Variants in KIAA0513 observed in about 807,000 individuals in gnomAD.
The protein encoded by KIAA0513 is KIAA0513.
In KIAA0513, 39 loss-of-function variants were observed where a neutral mutation model predicts 56.5. The ratio of observed to expected loss-of-function variants is 0.69; its 90% CI spans 0.53 to 0.90. KIAA0513 has a LOEUF of 0.90. KIAA0513 is among the 40% of genes least tolerant of loss of function. The pLI, the probability that KIAA0513 is intolerant of heterozygous loss-of-function variation, is 0.00. For synonymous variants in KIAA0513, 268 were observed against 215.6 expected (o/e 1.24, Z -2.13); for missense variants, 591 against 535.2 (o/e 1.10, Z -1.03).
intron 1 of KIAA0513, among the ~76,000 whole-genome samples, chr16:85,028,923 C>T (rs893999933): frequency 6.6e-6 from 1 of 152,150 alleles, no homozygotes; most frequent in Non-Finnish European, 1.5e-5. Flanking sequence ...GTTGATGTTT[C>T]GGATTCATTT....
At chr16:85,052,521 A>G (rs1176916092) in intron 1 of KIAA0513, among the ~76,000 whole-genome samples, 2 of 152,150 alleles carry the variant, frequency 1.3e-5, no homozygotes, top group African/African-American at 2.4e-5. Context: ...TCTCAAATCA[A>G]TCAGTCAATC....
At chr16:85,072,824 A>G in intron 3 of KIAA0513, 101 bp from the exon 4 acceptor site, 1 of 1,167,328 alleles carries the variant, frequency 8.6e-7, no homozygotes, top group Admixed American at 1.7e-5. Flanking sequence ...CCCCCATCCC[A>G]GCTGCATTTG....
At chr16:85,055,097 TA>T (rs562161131) in intron 1 of KIAA0513, among the ~76,000 whole-genome samples, 2 of 152,038 alleles carry the variant, frequency 1.3e-5, no homozygotes, top group South Asian at 4.1e-4. Flanking sequence ...TAATTTAGTT[TA>T]TTTTTTTTAG....
chr16:85,042,213 T>G (rs770602300), intron 1 of KIAA0513, among the ~76,000 whole-genome samples: 1 of 152,224 alleles, frequency 6.6e-6, no homozygotes, highest in Non-Finnish European at 1.5e-5. Context: ...TGCTAAGCCC[T>G]CCTTGTTTGT....
chr16:85,073,787 C>G (rs1017546317), intron 4 of KIAA0513, among the ~76,000 whole-genome samples: 1 of 152,184 alleles, frequency 6.6e-6, no homozygotes, highest in Non-Finnish European at 1.5e-5. Flanking sequence ...AGAAGGCCTC[C>G]AAGCAGTCCC....
At chr16:85,053,549 G>C (rs139772737) in intron 1 of KIAA0513, among the ~76,000 whole-genome samples, 1 of 152,326 alleles carries the variant, frequency 6.6e-6, no homozygotes, top group African/African-American at 2.4e-5. Flanking sequence ...TGACTCTCTG[G>C]ATAAGGCAGC....
intron 1 of KIAA0513, among the ~76,000 whole-genome samples, chr16:85,036,069 C>G (rs911430717): frequency 8.5e-5 from 13 of 152,106 alleles, no homozygotes; most frequent in African/African-American, 2.4e-5. Context: ...ACCGCCTTGG[C>G]CTCCCAAAAT....
At chr16:85,030,901 A>G (rs1403023262) in intron 1 of KIAA0513, among the ~76,000 whole-genome samples, 1 of 152,200 alleles carries the variant, frequency 6.6e-6, no homozygotes, top group African/African-American at 2.4e-5. Flanking sequence ...TCAGTGGTAT[A>G]AAACAATGGA....
At position 85,091,498 on chromosome 16, in the gene KIAA0513, G is replaced by A. The variant is rs2073867043; in HGVS notation, c.*3173G>A. 1 of 152,186 alleles carries A rather than the reference G, an allele frequency of 6.6e-6. No homozygotes were observed. The highest frequency in any genetic ancestry group is 2.4e-5 in the African/African-American group (1 of 41,438). The allele number at this position is 152,186 out of a possible 1,614,324, so 9.4% of individuals were successfully genotyped here. On this transcript the variant is annotated 3_prime_UTR_variant, in exon 13 of 13. Transcript: ENST00000683363. ...CTCTGAAATTTCCAAAAAATGGCTA[G>A]AGGGAGAGTCCAGTTTCTGAGCTCT... is the stretch of plus-strand genomic sequence containing the variant.
chr16:85,070,367 A>G (rs1257378166), intron 2 of KIAA0513, among the ~76,000 whole-genome samples: 1 of 151,978 alleles, frequency 6.6e-6, no homozygotes, highest in Non-Finnish European at 1.5e-5. Flanking sequence ...TGATAATCCA[A>G]ATATCTGACT....
intron 1 of KIAA0513, among the ~76,000 whole-genome samples, chr16:85,045,633 G>C (rs1019788005): frequency 3.3e-5 from 5 of 152,158 alleles, no homozygotes; most frequent in African/African-American, 1.2e-4. Context: ...TGGATTACAG[G>C]CGTGAGCCAC....
intron 1 of KIAA0513, among the ~76,000 whole-genome samples, chr16:85,040,893 T>C (rs1452383336): frequency 6.6e-6 from 1 of 152,168 alleles, no homozygotes; most frequent in Non-Finnish European, 1.5e-5. Flanking sequence ...TTAGATACGC[T>C]TGAAGCAAAA....
intron 1 of KIAA0513, among the ~76,000 whole-genome samples, chr16:85,031,271 A>G (rs1039464971): frequency 6.6e-6 from 1 of 152,162 alleles, no homozygotes; most frequent in Non-Finnish European, 1.5e-5. Flanking sequence ...ACTTGAGCCC[A>G]GGAGTTCAAG....
chr16:85,044,858 C>T (rs2073150503), intron 1 of KIAA0513, among the ~76,000 whole-genome samples: 1 of 151,958 alleles, frequency 6.6e-6, no homozygotes, highest in Admixed American at 6.5e-5. Flanking sequence ...GTGGCTCACA[C>T]CTGTAATCCC....
intron 1 of KIAA0513, among the ~76,000 whole-genome samples, chr16:85,032,686 G>A (rs1025400792): frequency 6.6e-6 from 1 of 151,462 alleles, no homozygotes; most frequent in Non-Finnish European, 1.5e-5. Context: ...GCTGGAGTGC[G>A]GTGGCACAAT....
chr16:85,072,900 G>C, intron 3 of KIAA0513, 25 bp from the exon 4 acceptor site: 2 of 1,612,586 alleles, frequency 1.2e-6, no homozygotes, highest in Non-Finnish European at 1.7e-6. Flanking sequence ...GAACCTCAAT[G>C]ATGTGTCTGC....
intron 10 of KIAA0513, among the ~76,000 whole-genome samples, chr16:85,083,989 G>A (rs973147099): frequency 6.6e-6 from 1 of 151,846 alleles, no homozygotes; most frequent in East Asian, 1.9e-4. Flanking sequence ...CTGTAGCGGT[G>A]TAGATGCATG....
intron 1 of KIAA0513, among the ~76,000 whole-genome samples, chr16:85,034,393 C>T (rs1364417671): frequency 6.6e-6 from 1 of 152,020 alleles, no homozygotes; most frequent in Non-Finnish European, 1.5e-5. Flanking sequence ...TAAACAGCGA[C>T]AACAACAAAA....
intron 12 of KIAA0513, 72 bp from the exon 13 acceptor site, chr16:85,088,204 G>T: frequency 7.0e-7 from 1 of 1,434,136 alleles, no homozygotes. Context: ...CCCTGTCCGA[G>T]TGACAAGAGC....
Sources: gnomAD v4.1 joint callset for allele counts (sites outside exome capture counted in the v4.1 genomes callset) on GRCh38, gnomAD v4.1.1 for gene constraint, MANE v1.5 for transcripts, NCBI Gene and HGNC (gene_info 2026-07-23, HGNC 2026-07-21) for gene names.